NDUFS4: variants seen among roughly 807,000 people sequenced by gnomAD.
NDUFS4 encodes the protein NADH:ubiquinone oxidoreductase subunit S4, also known as NADH dehydrogenase [ubiquinone] iron-sulfur protein 4, mitochondrial.
In NDUFS4, 28 loss-of-function variants were observed where a neutral mutation model predicts 24.3. The ratio of observed to expected loss-of-function variants is 1.15; its 90% CI spans 0.85 to 1.58. The LOEUF is 1.58. Among genes scored for constraint, NDUFS4 ranks in the 40% most tolerant of loss-of-function variants. The pLI, the probability that NDUFS4 is intolerant of heterozygous loss-of-function variation, is 0.00. For synonymous variants in NDUFS4, 93 were observed against 69.7 expected (o/e 1.34, Z -1.67); for missense variants, 223 against 207.9 (o/e 1.07, Z -0.45).
intron 2 of NDUFS4, chr5:53,604,664 C>T (rs999752226): frequency 1.8e-5 from 8 of 439,104 alleles, no homozygotes; most frequent in Non-Finnish European, 3.2e-5. Context: ...AGAGTAAACA[C>T]TAAAATCCTA....
intron 1 of NDUFS4, among the ~76,000 whole-genome samples, chr5:53,578,060 T>C (rs1267410010): frequency 6.6e-6 from 1 of 152,218 alleles, no homozygotes; most frequent in African/African-American, 2.4e-5. Context: ...CTGATTATCA[T>C]TGTGATAGTC....
chr5:53,663,084 G>A (rs1752395706), intron 4 of NDUFS4, among the ~76,000 whole-genome samples: 1 of 152,110 alleles, frequency 6.6e-6, no homozygotes, highest in Non-Finnish European at 1.5e-5. Flanking sequence ...TATGTACCCA[G>A]TAGTCATTCA....
intron 3 of NDUFS4, among the ~76,000 whole-genome samples, chr5:53,656,396 C>T (rs758417668): frequency 3.4e-4 from 52 of 151,742 alleles, no homozygotes; most frequent in Non-Finnish European, 6.0e-4. Flanking sequence ...CTTTAGTGGA[C>T]CAGGTTGAAA....
intron 2 of NDUFS4, among the ~76,000 whole-genome samples, chr5:53,640,109 C>T (rs78289541): frequency 0.096 from 14,545 of 151,500 alleles, 1,005 homozygotes; most frequent in Admixed American, 0.2. Flanking sequence ...CTCAGCATTA[C>T]GTGGTTGCTT....
chr5:53,598,283 A>T (rs185651706), intron 1 of NDUFS4, among the ~76,000 whole-genome samples: 1 of 152,364 alleles, frequency 6.6e-6, no homozygotes, highest in East Asian at 1.9e-4. Context: ...TTTAATGTCC[A>T]CACAAAAACC....
chr5:53,646,397 G>T lies in NDUFS4; in HGVS notation c.342G>T (p.Trp114Cys). 6.2e-7 allele frequency: 1 copy of T among 1,613,312 alleles called. No individual in the cohort carries two copies. Among genetic ancestry groups the T allele is most frequent in the Non-Finnish European group, 8.5e-7 (1 of 1,179,458 alleles). The change falls in exon 3 of 5, where the codon TGG becomes TGT. Residue 114 changes from tryptophan to cysteine, a missense_variant. Transcript: ENST00000296684. Reference sequence around the variant, plus strand: ...GATGGGAAAATCCTTTGATGGGTTGGGCATCAACGTGAGTACTTTATTTTA... The same window carrying T: ...GATGGGAAAATCCTTTGATGGGTTGTGCATCAACGTGAGTACTTTATTTTA... ...RERWENPLMG[W>C]ASTADPLSNM... is the part of the protein sequence containing the mutation.
intron 1 of NDUFS4, among the ~76,000 whole-genome samples, chr5:53,584,034 C>G (rs256111): frequency 0.2 from 31,039 of 152,098 alleles, 3,687 homozygotes; most frequent in East Asian, 0.46. Flanking sequence ...GTTAAGAAAG[C>G]TTTTCCTTAC....
At chr5:53,635,733 A>G (rs1406472750) in intron 2 of NDUFS4, among the ~76,000 whole-genome samples, 2 of 152,124 alleles carry the variant, frequency 1.3e-5, no homozygotes, top group African/African-American at 2.4e-5. Flanking sequence ...CGTTAAGCAT[A>G]TTTTTCAACG....
intron 2 of NDUFS4, among the ~76,000 whole-genome samples, chr5:53,641,385 A>T (rs1187253957): frequency 6.6e-6 from 1 of 152,184 alleles, no homozygotes; most frequent in Non-Finnish European, 1.5e-5. Context: ...GATTAGTAGC[A>T]TCATTTGCAT....
At chr5:53,642,444 A>G (rs1751732425) in intron 2 of NDUFS4, among the ~76,000 whole-genome samples, 1 of 152,132 alleles carries the variant, frequency 6.6e-6, no homozygotes, top group Non-Finnish European at 1.5e-5. Flanking sequence ...TGAAAATTTG[A>G]TTCTTTGAAG....
At chr5:53,635,619 A>G (rs2112495113) in intron 2 of NDUFS4, among the ~76,000 whole-genome samples, 1 of 152,332 alleles carries the variant, frequency 6.6e-6, no homozygotes, top group African/African-American at 2.4e-5. Context: ...TAAATGTTAT[A>G]CTTTTGTAAT....
At chr5:53,638,874 T>C (rs186828939) in intron 2 of NDUFS4, among the ~76,000 whole-genome samples, 6 of 152,206 alleles carry the variant, frequency 3.9e-5, no homozygotes, top group Admixed American at 3.3e-4. Context: ...ATTAATACTA[T>C]AGCTATAGCT....
chr5:53,585,690 C>T (rs1031141059), intron 1 of NDUFS4, among the ~76,000 whole-genome samples: 5 of 150,974 alleles, frequency 3.3e-5, no homozygotes, highest in African/African-American at 9.8e-5. Flanking sequence ...TGCGGTGAGC[C>T]GAGATCGCGC....
At chr5:53,645,543 A>G (rs1196113393) in intron 2 of NDUFS4, among the ~76,000 whole-genome samples, 1 of 152,192 alleles carries the variant, frequency 6.6e-6, no homozygotes, top group Non-Finnish European at 1.5e-5. Flanking sequence ...AATTATAGAA[A>G]AATCGAGTTA....
chr5:53,591,453 GT>G (rs775330362), intron 1 of NDUFS4, among the ~76,000 whole-genome samples: 3,333 of 34,300 alleles, frequency 0.097, 79 homozygotes, highest in Middle Eastern at 0.22. Flanking sequence ...CTTTTTGTTT[GT>G]TTTTTTTGGG....
At chr5:53,591,959 C>T (rs1310154716) in intron 1 of NDUFS4, among the ~76,000 whole-genome samples, 6 of 151,880 alleles carry the variant, frequency 4.0e-5, no homozygotes, top group African/African-American at 1.2e-4. Flanking sequence ...TGTTTTGAGA[C>T]GGGATCTCGC....
intron 2 of NDUFS4, among the ~76,000 whole-genome samples, chr5:53,627,719 G>A (rs1751274034): frequency 6.6e-6 from 1 of 152,066 alleles, no homozygotes; most frequent in Non-Finnish European, 1.5e-5. Context: ...TGTGATTTTT[G>A]CATATTGATT....
intron 1 of NDUFS4, among the ~76,000 whole-genome samples, chr5:53,570,091 A>C (rs931776129): frequency 2.0e-5 from 3 of 152,240 alleles, no homozygotes; most frequent in African/African-American, 7.2e-5. Flanking sequence ...ATCCTAGTAC[A>C]GAATACAGTG....
intron 1 of NDUFS4, among the ~76,000 whole-genome samples, chr5:53,561,159 A>G (rs1748831747): frequency 6.6e-6 from 1 of 152,170 alleles, no homozygotes; most frequent in South Asian, 2.1e-4. Context: ...TCCTTACAGA[A>G]GGGTTAAATC....
Sources: allele counts gnomAD v4.1 joint callset (sites outside exome capture counted in the v4.1 genomes callset), GRCh38; gene constraint gnomAD v4.1.1; transcripts MANE v1.5; gene names NCBI Gene and HGNC (gene_info 2026-07-23, HGNC 2026-07-21).